Variants in ASIC2 observed in about 807,000 individuals in gnomAD.
ASIC2 encodes acid-sensing ion channel 2.
In ASIC2, 25 loss-of-function variants were observed where a neutral mutation model predicts 57.3. That is an observed-to-expected ratio of 0.44 (90% confidence interval 0.32 to 0.61). ASIC2 has a LOEUF of 0.61. Among genes scored for constraint, ASIC2 ranks in the 20% least tolerant of loss-of-function variants. The pLI is 0.06. For missense variants in ASIC2, 641 were observed against 738.1 expected (o/e 0.87, Z 1.52); for synonymous variants, 319 against 307.5 (o/e 1.04, Z -0.39).
At chr17:33,079,205 C>G (rs2092101987) in intron 3 of ASIC2, among the ~76,000 whole-genome samples, 1 of 152,066 alleles carries the variant, frequency 6.6e-6, no homozygotes, top group Non-Finnish European at 1.5e-5. Context: ...GAATCATATC[C>G]CCAAAGAATT....
intron 1 of ASIC2, among the ~76,000 whole-genome samples, chr17:33,405,681 A>T (rs1288645413): frequency 6.6e-6 from 1 of 151,844 alleles, no homozygotes; most frequent in Non-Finnish European, 1.5e-5. Flanking sequence ...ACGGGGTTTC[A>T]ACATGTTGGT....
At chr17:33,299,066 A>C (rs952716910) in intron 1 of ASIC2, among the ~76,000 whole-genome samples, 1 of 152,222 alleles carries the variant, frequency 6.6e-6, no homozygotes, top group African/African-American at 2.4e-5. Context: ...CAATGACTTT[A>C]TTCACAGAAT....
At chr17:33,492,599 C>T (rs1455942334) in intron 1 of ASIC2, among the ~76,000 whole-genome samples, 1 of 152,186 alleles carries the variant, frequency 6.6e-6, no homozygotes, top group Admixed American at 6.5e-5. Flanking sequence ...CCTTTCCTTC[C>T]TTTGCCCCAT....
intron 1 of ASIC2, among the ~76,000 whole-genome samples, chr17:33,380,245 C>CAAAAAAAAAGAAA (rs1909432699): frequency 1.4e-5 from 1 of 71,064 alleles, no homozygotes. Flanking sequence ...AACCCTGTCT[C>CAAAAAAAAAGAAA]AAAAAAAAAA....
chr17:33,031,546 C>T (rs1034295134), intron 3 of ASIC2, among the ~76,000 whole-genome samples: 5 of 152,132 alleles, frequency 3.3e-5, no homozygotes, highest in African/African-American at 1.2e-4. Context: ...GAATGTTCCA[C>T]GTGCACCTGA....
intron 1 of ASIC2, among the ~76,000 whole-genome samples, chr17:33,989,947 C>T (rs936969564): frequency 4.6e-5 from 7 of 152,180 alleles, no homozygotes; most frequent in Non-Finnish European, 8.8e-5. Flanking sequence ...GAGGCACTTC[C>T]GGTGATATTG....
chr17:33,262,230 C>T (rs1054732030), intron 1 of ASIC2, among the ~76,000 whole-genome samples: 5 of 152,150 alleles, frequency 3.3e-5, no homozygotes, highest in South Asian at 4.1e-4. Context: ...AAATTCACCA[C>T]CCCTCCATAC....
chr17:33,314,671 TA>T (rs978785762), intron 1 of ASIC2, among the ~76,000 whole-genome samples: 100 of 152,298 alleles, frequency 6.6e-4, no homozygotes, highest in Non-Finnish European at 1.2e-3. Context: ...GTAAAAGGTT[TA>T]AAAAAATATA....
chr17:33,438,805 C>T (rs1341382679), intron 1 of ASIC2, among the ~76,000 whole-genome samples: 3 of 151,682 alleles, frequency 2.0e-5, no homozygotes, highest in African/African-American at 7.3e-5. Context: ...CTCACTTCAG[C>T]CTCTGGGGTT....
At chr17:33,535,558 G>A (rs528292154) in intron 1 of ASIC2, among the ~76,000 whole-genome samples, 2 of 152,208 alleles carry the variant, frequency 1.3e-5, no homozygotes, top group African/African-American at 4.8e-5. Flanking sequence ...TTACAGGCGT[G>A]AGCCACTGTG....
intron 1 of ASIC2, among the ~76,000 whole-genome samples, chr17:33,412,194 A>G (rs558478931): frequency 6.6e-6 from 1 of 152,282 alleles, no homozygotes; most frequent in South Asian, 2.1e-4. Context: ...TTCTCAAGCT[A>G]AAAAGAAAGG....
chr17:34,005,357 A>C (rs934175780), intron 1 of ASIC2: 3 of 152,142 alleles, frequency 2.0e-5, no homozygotes, highest in Non-Finnish European at 2.9e-5. Flanking sequence ...TATTATCTTC[A>C]AACTTTTCTA....
chr17:33,382,951 T>C (rs1909541225), intron 1 of ASIC2, among the ~76,000 whole-genome samples: 1 of 152,188 alleles, frequency 6.6e-6, no homozygotes, highest in African/African-American at 2.4e-5. Flanking sequence ...TGCCGTTCCC[T>C]GTGCCTACAA....
At chr17:33,313,008 A>G (rs374272729) in intron 1 of ASIC2, among the ~76,000 whole-genome samples, 3 of 152,208 alleles carry the variant, frequency 2.0e-5, no homozygotes, top group Admixed American at 6.5e-5. Context: ...GTGAACAGTT[A>G]GCATAAGAGC....
rs576634246 is a variant in ASIC2 at position 33,382,666 on chromosome 17, G to C, written c.556-270599C>G. On this transcript the variant is annotated intron_variant, in intron 1 of 9. Transcript: ENST00000359872. ...CTGTAACATGAGTTTGACTATCCTT[G>C]TTTTATAGAGGAGGATATTGAGGAT... 7.2e-5 allele frequency among the ~76,000 whole-genome samples: 11 copies of C among 152,280 alleles called. No individual in the cohort carries two copies. The East Asian group carries it at 2.1e-3, about 29-fold the overall frequency.
chr17:33,855,315 A>G (rs1913892871), intron 1 of ASIC2, among the ~76,000 whole-genome samples: 1 of 152,148 alleles, frequency 6.6e-6, no homozygotes, highest in South Asian at 2.1e-4. Context: ...GTGGTGGGGA[A>G]AGTGGGCTTT....
At chr17:33,970,608 G>A (rs1170128676) in intron 1 of ASIC2, among the ~76,000 whole-genome samples, 1 of 152,208 alleles carries the variant, frequency 6.6e-6, no homozygotes, top group Non-Finnish European at 1.5e-5. Context: ...CAGAGGCCAA[G>A]GAGGAGGATT....
intron 1 of ASIC2, among the ~76,000 whole-genome samples, chr17:33,510,383 G>T (rs1298890623): frequency 6.6e-6 from 1 of 152,198 alleles, no homozygotes; most frequent in African/African-American, 2.4e-5. Context: ...CTGGCATGGT[G>T]GCTCATGCCT....
At chr17:33,477,101 C>A (rs1300307401) in intron 1 of ASIC2, among the ~76,000 whole-genome samples, 1 of 151,972 alleles carries the variant, frequency 6.6e-6, no homozygotes, top group African/African-American at 2.4e-5. Flanking sequence ...AATCTTATTC[C>A]ATTGTATAGC....
Sources: gnomAD v4.1 joint callset for allele counts (sites outside exome capture counted in the v4.1 genomes callset) on GRCh38, gnomAD v4.1.1 for gene constraint, MANE v1.5 for transcripts, NCBI Gene and HGNC (gene_info 2026-07-23, HGNC 2026-07-21) for gene names.